Variants in RPL34 observed in about 807,000 individuals in gnomAD.
The protein encoded by RPL34 is ribosomal protein L34.
Under a neutral mutation model 16.3 loss-of-function variants are expected in RPL34, and 2 were observed. That is an observed-to-expected ratio of 0.12 (90% CI 0.05 to 0.39). The LOEUF (loss-of-function observed/expected upper bound fraction) is 0.39. Among genes scored for constraint, RPL34 ranks in the 10% least tolerant of loss-of-function variants. The probability of loss-of-function intolerance (pLI) is 0.99; values close to 1 mark genes in which losing one functional copy is unlikely to be tolerated. For missense variants in RPL34, 82 were observed against 148.8 expected (o/e 0.55, Z 2.33); for synonymous variants, 47 against 48.5 (o/e 0.97, Z 0.13).
downstream of RPL34, among the ~76,000 whole-genome samples, chr4:108,629,016 C>T (rs142015461): frequency 0.038 from 5,710 of 152,182 alleles, 147 homozygotes; most frequent in African/African-American, 0.074. Flanking sequence ...GACGGGTTCG[C>T]CATGTTGGCC....
chr4:108,623,946 A>G (rs1725887740), intron 4 of RPL34, among the ~76,000 whole-genome samples: 1 of 152,222 alleles, frequency 6.6e-6, no homozygotes, highest in Non-Finnish European at 1.5e-5. Flanking sequence ...TTTGGACAAA[A>G]GGCAGAAAGG....
At chr4:108,621,603 G>A in intron 1 of RPL34, 1 of 255,828 alleles carries the variant, frequency 3.9e-6, no homozygotes, top group Non-Finnish European at 7.8e-6. Context: ...CGACTTCAGA[G>A]CTCACTTTTT....
At chr4:108,623,556 C>A (rs1725871652) in intron 4 of RPL34, among the ~76,000 whole-genome samples, 1 of 152,124 alleles carries the variant, frequency 6.6e-6, no homozygotes, top group Non-Finnish European at 1.5e-5. Flanking sequence ...ACTGCAGGCA[C>A]ATGCCACCAC....
intron 1 of RPL34, 27 bp from the exon 2 acceptor site, chr4:108,621,924 T>C: frequency 6.9e-7 from 1 of 1,458,776 alleles, no homozygotes; most frequent in Non-Finnish European, 9.6e-7. Context: ...AATGGAAAGA[T>C]TTGATGTTAC....
At chr4:108,621,712 A>G (rs1725783706) in intron 1 of RPL34, 1 of 439,292 alleles carries the variant, frequency 2.3e-6, no homozygotes, top group Non-Finnish European at 4.2e-6. Flanking sequence ...GAGCCTGGTC[A>G]TCAGAACGTT....
At chr4:108,621,828 C>G (rs1051539607) in intron 1 of RPL34, 123 bp from the exon 2 acceptor site, 4 of 679,430 alleles carry the variant, frequency 5.9e-6, no homozygotes, top group Non-Finnish European at 1.1e-5. Context: ...AATAATACAT[C>G]TTAATTTAAG....
At chr4:108,621,081 A>T (rs748204543) in intron 1 of RPL34, 1 of 152,092 alleles carries the variant, frequency 6.6e-6, no homozygotes, top group Non-Finnish European at 1.5e-5. Flanking sequence ...TGGAGATGCA[A>T]ACAGAATAAT....
chr4:108,621,676 C>G, intron 1 of RPL34: 1 of 357,904 alleles, frequency 2.8e-6, no homozygotes, highest in Non-Finnish European at 5.3e-6. Context: ...GGACACCACT[C>G]CAAACAAAAT....
chr4:108,621,847 A>G lies in RPL34; in HGVS notation c.-9-104A>G, dbSNP rs544915913. 2.0e-5 allele frequency: 15 copies of G among 761,362 alleles called. No homozygotes were observed. In the African/African-American group the frequency reaches 2.3e-4, roughly 11 times the overall value. 47.2% of individuals were successfully genotyped at this position (761,362 alleles called of 1,614,324 possible). A position where few individuals can be genotyped will look rare whatever the true frequency, so the allele number is the denominator to read the frequency against. ...ATACATCTTAATTTAAGGGTGTTAC[A>G]TACAAGGATATGTATGTGAATGAAA... On this transcript the variant is annotated intron_variant, in intron 1 of 4. Transcript: ENST00000394667.
downstream of RPL34, among the ~76,000 whole-genome samples, chr4:108,625,747 C>T (rs1725979227): frequency 6.6e-6 from 1 of 152,142 alleles, no homozygotes; most frequent in Admixed American, 6.6e-5. Context: ...TTTTTGGTGA[C>T]AGCTCTACCG....
intron 4 of RPL34, among the ~76,000 whole-genome samples, chr4:108,624,720 A>G (rs146492215): frequency 0.014 from 2,055 of 152,128 alleles, 20 homozygotes; most frequent in Non-Finnish European, 0.023. Context: ...ATATCCCTTT[A>G]CCTTTTAATT....
intron 4 of RPL34, 69 bp downstream of exon 4, chr4:108,622,687 T>C: frequency 1.0e-6 from 1 of 955,268 alleles, no homozygotes; most frequent in South Asian, 1.7e-5. Context: ...TGCTGATCAG[T>C]ACAATGGTGA....
At chr4:108,622,052 A>T (rs771520289) in intron 2 of RPL34, 28 bp downstream of exon 2, 11 of 1,599,086 alleles carry the variant, frequency 6.9e-6, no homozygotes, top group Non-Finnish European at 9.4e-6. Context: ...TTTTAAGTAT[A>T]TATTGTCATT....
At chr4:108,626,505 C>T (rs1475576513), downstream of RPL34, among the ~76,000 whole-genome samples, 1 of 137,440 alleles carries the variant, frequency 7.3e-6, no homozygotes, top group East Asian at 2.4e-4. Flanking sequence ...CTGGAGCGTA[C>T]TGGCTCGATT....
chr4:108,629,232 C>T (rs1318046148), downstream of RPL34, among the ~76,000 whole-genome samples: 1 of 152,194 alleles, frequency 6.6e-6, no homozygotes, highest in African/African-American at 2.4e-5. Flanking sequence ...ACTTTTAACT[C>T]CTTTTTTTCT....
At position 108,622,419 on chromosome 4, in the gene RPL34, T is replaced by A; in HGVS notation, c.166-96T>A. On this transcript the variant is annotated intron_variant, in intron 3 of 4. Coordinates refer to ENST00000394667, the MANE Select transcript of RPL34 (RefSeq NM_001319236.2). ...CAGATAAATGAGTACACCATTTCCC[T>A]TTGTAACCTACTTTAAACTTGCCCT... The A allele has an allele frequency of 3.2e-6, 3 of 944,192 alleles. No homozygotes were observed. The South Asian group carries it at 4.2e-5, about 13-fold the overall frequency. The allele number at this position is 944,192 out of a possible 1,614,324, so 58.5% of individuals were successfully genotyped here.
chr4:108,627,442 A>C (rs947929023), downstream of RPL34, among the ~76,000 whole-genome samples: 1 of 152,234 alleles, frequency 6.6e-6, no homozygotes, highest in Non-Finnish European at 1.5e-5. Flanking sequence ...ATGGGATTTC[A>C]TAACACCTTT....
chr4:108,629,293 C>G (rs1726107804), downstream of RPL34, among the ~76,000 whole-genome samples: 1 of 152,180 alleles, frequency 6.6e-6, no homozygotes, highest in African/African-American at 2.4e-5. Context: ...TAGTAGCTGC[C>G]TGCAGTATGA....
chr4:108,622,334 C>T, intron 3 of RPL34, 130 bp downstream of exon 3: 2 of 830,684 alleles, frequency 2.4e-6, no homozygotes, highest in Non-Finnish European at 2.0e-6. Context: ...ATTCATGAGC[C>T]AAATCTGCCA....
Sources: allele counts gnomAD v4.1 joint callset (sites outside exome capture counted in the v4.1 genomes callset), GRCh38; gene constraint gnomAD v4.1.1; transcripts MANE v1.5; gene names NCBI Gene and HGNC (gene_info 2026-07-23, HGNC 2026-07-21).